Variants in PMFBP1 observed in about 807,000 individuals in gnomAD.
PMFBP1 encodes polyamine modulated factor 1 binding protein 1, also known as polyamine-modulated factor 1-binding protein 1.
A neutral mutation model predicts 137.8 loss-of-function variants in PMFBP1; 131 were observed. That is an observed-to-expected ratio of 0.95 (90% CI 0.82 to 1.10). PMFBP1 has a LOEUF of 1.10. PMFBP1 is among the 50% of genes least tolerant of loss of function. The pLI is 0.00. For missense variants in PMFBP1, 1,199 were observed against 1,175.4 expected (o/e 1.02, Z -0.29); for synonymous variants, 490 against 450.4 (o/e 1.09, Z -1.11).
In PMFBP1 at chr16:72,119,809, G is replaced by GA. The variant is rs545854131; in HGVS notation, c.3007+41dup. On this transcript the variant is annotated intron_variant, in intron 20 of 20. Transcript: ENST00000237353. ...TGAATTCTCAATCCAGTGATTTAAAGAAAAAAATCACACTTATTTTTTTGA... is the reference window on the plus strand; with the variant it reads ...TGAATTCTCAATCCAGTGATTTAAAGAAAAAAAATCACACTTATTTTTTTGA... 2.8e-3 allele frequency: 4,481 copies of GA among 1,601,120 alleles called. 6 individuals carry two copies. The highest frequency in any genetic ancestry group is 3.9e-3 in the South Asian group (345 of 88,850).
At chr16:72,198,432 G>A in the PMFBP1 span, among the ~76,000 whole-genome samples, 9 of 152,138 alleles carry the variant, frequency 5.9e-5, no homozygotes, top group African/African-American at 1.9e-4. Flanking sequence ...CTACTCACCC[G>A]CTTTACAGTT....
the PMFBP1 span, among the ~76,000 whole-genome samples, chr16:72,222,476 G>A: frequency 5.9e-5 from 9 of 152,156 alleles, no homozygotes; most frequent in Admixed American, 5.9e-4. Context: ...TGGGGGGATA[G>A]AGCAGTGGGC....
chr16:72,160,064 A>G (rs2043039281), intron 3 of PMFBP1, among the ~76,000 whole-genome samples: 1 of 152,220 alleles, frequency 6.6e-6, no homozygotes, highest in Non-Finnish European at 1.5e-5. Context: ...ACCTGTTCCC[A>G]TATTTAGTAC....
chr16:72,202,410 T>G, the PMFBP1 span, among the ~76,000 whole-genome samples: 1 of 152,222 alleles, frequency 6.6e-6, no homozygotes, highest in Non-Finnish European at 1.5e-5. Flanking sequence ...ACTCCTGGGC[T>G]CAAGCCATCC....
At chr16:72,230,253 A>G in the PMFBP1 span, among the ~76,000 whole-genome samples, 1 of 152,158 alleles carries the variant, frequency 6.6e-6, no homozygotes, top group African/African-American at 2.4e-5. Context: ...AAGATCCCAT[A>G]GTGTTCATAC....
intron 5 of PMFBP1, among the ~76,000 whole-genome samples, chr16:72,146,204 G>A (rs751797626): frequency 4.6e-5 from 7 of 152,192 alleles, no homozygotes; most frequent in Admixed American, 1.3e-4. Context: ...TCTTTGGGAT[G>A]CAAGGGTGGT....
Position 72,154,324 on chromosome 16 carries a change from T to C in PMFBP1, c.301A>G (p.Thr101Ala), listed in dbSNP as rs756216160. Residue 101 changes from threonine to alanine, a missense_variant, in exon 4 of 21, where the codon ACA (threonine) becomes GCA (alanine). Transcript: ENST00000237353. ...LVLQQELEFHTEELQTSYYSL... is the reference protein window; with the variant it reads ...LVLQQELEFHAEELQTSYYSL... ...TAGTAAGAAGTCTGCAACTCCTCTG[T>C]GTGAAACTCCAGTTCTTGTTGAAGG... 6.2e-7 allele frequency: 1 copy of C among 1,614,194 alleles called. No homozygotes were observed. Among genetic ancestry groups the C allele is most frequent in the Non-Finnish European group, 8.5e-7 (1 of 1,180,026 alleles).
intron 5 of PMFBP1, among the ~76,000 whole-genome samples, chr16:72,141,257 A>T (rs4238964): frequency 4.6e-5 from 7 of 151,952 alleles, no homozygotes; most frequent in African/African-American, 9.7e-5. Flanking sequence ...TGTCTTATAC[A>T]GTATTTAAAC....
intron 5 of PMFBP1, among the ~76,000 whole-genome samples, chr16:72,142,060 C>G (rs2042732042): frequency 6.6e-6 from 1 of 151,698 alleles, no homozygotes. Context: ...AGATCCTTTC[C>G]CCATTAAACT....
At chr16:72,238,551 A>T in the PMFBP1 span, among the ~76,000 whole-genome samples, 5 of 152,116 alleles carry the variant, frequency 3.3e-5, no homozygotes, top group African/African-American at 1.2e-4. Context: ...ATATGTCAGT[A>T]ATCAATTGCT....
At chr16:72,228,514 G>C in the PMFBP1 span, among the ~76,000 whole-genome samples, 3 of 152,230 alleles carry the variant, frequency 2.0e-5, no homozygotes, top group East Asian at 3.9e-4. Context: ...AGGATACCTG[G>C]TCAAGTTCTC....
the PMFBP1 span, among the ~76,000 whole-genome samples, chr16:72,196,109 T>TA: frequency 3.3e-5 from 5 of 152,120 alleles, no homozygotes; most frequent in East Asian, 9.7e-4. Flanking sequence ...TAACCCTGGT[T>TA]GCTCTAATTT....
the PMFBP1 span, among the ~76,000 whole-genome samples, chr16:72,218,789 C>T: frequency 1.3e-5 from 2 of 152,224 alleles, no homozygotes; most frequent in African/African-American, 4.8e-5. Flanking sequence ...AAAATATATT[C>T]CAGGTGTGTT....
chr16:72,120,888 C>T (rs2042367776), intron 19 of PMFBP1, among the ~76,000 whole-genome samples: 1 of 152,176 alleles, frequency 6.6e-6, no homozygotes, highest in Non-Finnish European at 1.5e-5. Context: ...CATGACTATA[C>T]TGAACACAGG....
At chr16:72,227,453 A>G in the PMFBP1 span, among the ~76,000 whole-genome samples, 1 of 152,178 alleles carries the variant, frequency 6.6e-6, no homozygotes, top group Non-Finnish European at 1.5e-5. Context: ...AAAACTACCT[A>G]CAGTTCATCA....
chr16:72,216,318 T>C, the PMFBP1 span, among the ~76,000 whole-genome samples: 3 of 152,220 alleles, frequency 2.0e-5, no homozygotes, highest in South Asian at 6.2e-4. Context: ...AGAATTTCTT[T>C]GTCATCACAG....
intron 19 of PMFBP1, 171 bp from the exon 20 acceptor site, chr16:72,120,260 G>T: frequency 1.8e-6 from 2 of 1,130,772 alleles, no homozygotes; most frequent in Non-Finnish European, 2.5e-6. Context: ...CGTGTGTCCT[G>T]TGAAAGAAGC....
At chr16:72,132,716 G>C (rs764887974) in intron 10 of PMFBP1, 32 bp downstream of exon 10, 66 of 1,613,538 alleles carry the variant, frequency 4.1e-5, no homozygotes, top group Non-Finnish European at 5.5e-5. Flanking sequence ...CCACAGAAAA[G>C]TGTGGTGGGA....
intron 10 of PMFBP1, among the ~76,000 whole-genome samples, chr16:72,131,193 C>T (rs1434390987): frequency 2.0e-5 from 3 of 152,038 alleles, no homozygotes; most frequent in East Asian, 1.9e-4. Flanking sequence ...ATTCCAGGGG[C>T]GGGGATTGTT....
Sources: gnomAD v4.1 joint callset for allele counts (sites outside exome capture counted in the v4.1 genomes callset) on GRCh38, gnomAD v4.1.1 for gene constraint, MANE v1.5 for transcripts, NCBI Gene and HGNC (gene_info 2026-07-23, HGNC 2026-07-21) for gene names.